The following ST6GALNAC5 variants were observed in gnomAD, a reference collection of about 807,000 sequenced individuals.
The protein encoded by ST6GALNAC5 is alpha-N-acetylgalactosaminide alpha-2,6-sialyltransferase 5.
ST6GALNAC5 carries 27 observed loss-of-function variants against 33.6 expected under a neutral mutation model. The observed-to-expected ratio is 0.80, with a 90% CI of 0.59 to 1.11. The LOEUF is 1.11. ST6GALNAC5 is among the 50% of genes least tolerant of loss of function. ST6GALNAC5 has a pLI of 0.00. For synonymous variants in ST6GALNAC5, 194 were observed against 171.2 expected, an observed-to-expected ratio of 1.13 and a Z score of -1.04; for missense variants, 428 against 454.0, an observed-to-expected ratio of 0.94 and a Z score of 0.52.
chr1:76,894,347 C>A (rs1171606181), intron 2 of ST6GALNAC5, among the ~76,000 whole-genome samples: 2 of 152,164 alleles, frequency 1.3e-5, no homozygotes, highest in East Asian at 3.9e-4. Context: ...ACACCGCACA[C>A]CTGCCACCAC....
intron 2 of ST6GALNAC5, among the ~76,000 whole-genome samples, chr1:77,003,673 G>T (rs1650266739): frequency 6.6e-6 from 1 of 152,024 alleles, no homozygotes; most frequent in Admixed American, 6.6e-5. Flanking sequence ...AGGAGCTCTT[G>T]TAAGGCAGGC....
intron 2 of ST6GALNAC5, among the ~76,000 whole-genome samples, chr1:76,890,875 G>A (rs1428194389): frequency 6.6e-6 from 1 of 151,984 alleles, no homozygotes; most frequent in African/African-American, 2.4e-5. Flanking sequence ...TTATCGATTT[G>A]AGCATAAGAT....
chr1:77,013,277 G>C (rs181611473), intron 2 of ST6GALNAC5, among the ~76,000 whole-genome samples: 4 of 152,280 alleles, frequency 2.6e-5, no homozygotes, highest in Non-Finnish European at 5.9e-5. Flanking sequence ...CCTACTCTGT[G>C]ATTCTATGCA....
intron 2 of ST6GALNAC5, among the ~76,000 whole-genome samples, chr1:77,005,216 C>T (rs1056244074): frequency 2.6e-5 from 4 of 152,196 alleles, no homozygotes; most frequent in African/African-American, 4.8e-5. Flanking sequence ...TAAGCTGGTC[C>T]GAAAAGCGCA....
At chr1:76,986,055 T>G (rs1474569089) in intron 2 of ST6GALNAC5, among the ~76,000 whole-genome samples, 2 of 152,154 alleles carry the variant, frequency 1.3e-5, no homozygotes, top group African/African-American at 4.8e-5. Context: ...ATAAAAACCC[T>G]AGAAGAAAAC....
At chr1:76,895,627 T>A (rs1021589265) in intron 2 of ST6GALNAC5, among the ~76,000 whole-genome samples, 1 of 152,182 alleles carries the variant, frequency 6.6e-6, no homozygotes, top group Non-Finnish European at 1.5e-5. Flanking sequence ...ATTTATTTAC[T>A]TCAAGAGTTA....
At chr1:77,039,574 G>A (rs1010358640) in intron 2 of ST6GALNAC5, among the ~76,000 whole-genome samples, 1 of 152,176 alleles carries the variant, frequency 6.6e-6, no homozygotes, top group Non-Finnish European at 1.5e-5. Context: ...TTTCTCAGAG[G>A]ATAGATAAGG....
Position 77,030,510 on chromosome 1 carries a change from G to A in ST6GALNAC5, c.262-13694G>A, listed in dbSNP as rs190009736. 1.1e-3 allele frequency among the ~76,000 whole-genome samples: 168 copies of A among 152,150 alleles called. 1 individual carries two copies. The highest frequency in any genetic ancestry group is 3.3e-3 in the African/African-American group (139 of 41,494). ...GCAGTTGGACCTGGTTTTTATTGTC[G>A]TCGTCAATAGAAATAGAAAGAGTCC... On this transcript the variant is annotated intron_variant, in intron 2 of 4. Transcript: ENST00000477717.
intron 2 of ST6GALNAC5, among the ~76,000 whole-genome samples, chr1:77,017,665 T>G (rs2100432319): frequency 6.6e-6 from 1 of 152,358 alleles, no homozygotes; most frequent in Non-Finnish European, 1.5e-5. Flanking sequence ...CTAATAAGGT[T>G]TGTGTCCTTA....
intron 2 of ST6GALNAC5, among the ~76,000 whole-genome samples, chr1:76,964,175 C>T (rs1202721831): frequency 1.3e-5 from 2 of 151,952 alleles, no homozygotes; most frequent in Admixed American, 1.3e-4. Context: ...GTTTTAAGCC[C>T]CTGTATTTGT....
chr1:76,904,925 G>C (rs1195288484), intron 2 of ST6GALNAC5, among the ~76,000 whole-genome samples: 1 of 152,192 alleles, frequency 6.6e-6, no homozygotes, highest in Non-Finnish European at 1.5e-5. Context: ...TAGGAAGACA[G>C]ATTAGTATAT....
In ST6GALNAC5 at chr1:77,062,976, G is replaced by T; in HGVS notation, c.781G>T (p.Asp261Tyr). 4.3e-6 allele frequency: 7 copies of T among 1,611,520 alleles called. No homozygotes were observed. Among genetic ancestry groups the T allele is most frequent in the East Asian group, 4.5e-5 (2 of 44,788 alleles). ...YGMVPPDFCR[D>Y]PNHPSVPYHY... Reference sequence around the variant, plus strand: ...AGTTATCTCAATTTCCTCCTACAGGGATCCCAATCACCCTTCAGTACCTTA... The same window carrying T: ...AGTTATCTCAATTTCCTCCTACAGGTATCCCAATCACCCTTCAGTACCTTA... Residue 261 changes from aspartate (D) to tyrosine (Y), a missense_variant and splice_region_variant, in exon 5 of 5, where the codon GAT (aspartate) becomes TAT (tyrosine). Physicochemically the swap from Asp to Tyr is radical, Grantham distance 160. Coordinates refer to ENST00000477717, the MANE Select transcript of ST6GALNAC5 (RefSeq NM_030965.3).
At chr1:77,017,206 G>C in intron 2 of ST6GALNAC5, among the ~76,000 whole-genome samples, 1 of 150,282 alleles carries the variant, frequency 6.7e-6, no homozygotes, top group East Asian at 2.0e-4. Flanking sequence ...TTCTCAAGCA[G>C]TAAACACTGG....
chr1:76,983,921 T>C (rs1570736820), intron 2 of ST6GALNAC5, among the ~76,000 whole-genome samples: 1 of 152,146 alleles, frequency 6.6e-6, no homozygotes. Context: ...ACTGGGTAAA[T>C]AATGAAATGA....
rs920344136 is a variant in ST6GALNAC5 at position 77,019,045 on chromosome 1, C to A, written c.262-25159C>A. 2.6e-5 allele frequency among the ~76,000 whole-genome samples: 4 copies of A among 152,176 alleles called. No homozygotes were observed. In the South Asian group the frequency reaches 8.3e-4, roughly 31 times the overall value. Reference sequence around the variant, plus strand: ...TCTAGAGGAAGCAGTGAAATGATATCAATTCCCCTGAGCTTTGGAAGGGAA... The same window carrying A: ...TCTAGAGGAAGCAGTGAAATGATATAAATTCCCCTGAGCTTTGGAAGGGAA... On this transcript the variant is annotated intron_variant, in intron 2 of 4. Transcript: ENST00000477717.
At chr1:76,987,480 C>T (rs995800598) in intron 2 of ST6GALNAC5, among the ~76,000 whole-genome samples, 16 of 152,108 alleles carry the variant, frequency 1.1e-4, no homozygotes, top group Admixed American at 9.2e-4. Flanking sequence ...AACCCTCATA[C>T]GTTGCTGGTC....
intron 2 of ST6GALNAC5, among the ~76,000 whole-genome samples, chr1:76,956,702 TCTACTGAAGGC>T (rs1648006612): frequency 6.6e-6 from 1 of 152,200 alleles, no homozygotes; most frequent in East Asian, 1.9e-4. Context: ...TCCACTCACT[TCTACTGAAGGC>T]CAGCTGTATT....
At chr1:76,983,220 T>A (rs568340883) in intron 2 of ST6GALNAC5, among the ~76,000 whole-genome samples, 1 of 152,018 alleles carries the variant, frequency 6.6e-6, no homozygotes, top group Non-Finnish European at 1.5e-5. Flanking sequence ...GACTGGCAAA[T>A]TGGATAAAGA....
chr1:77,017,141 A>G (rs890606530), intron 2 of ST6GALNAC5, among the ~76,000 whole-genome samples: 1 of 131,000 alleles, frequency 7.6e-6, no homozygotes, highest in African/African-American at 3.3e-5. Context: ...CTCTGTAATC[A>G]GGAAAAGGCA....
Sources: allele counts gnomAD v4.1 joint callset (sites outside exome capture counted in the v4.1 genomes callset), GRCh38; gene constraint gnomAD v4.1.1; transcripts MANE v1.5; gene names NCBI Gene and HGNC (gene_info 2026-07-23, HGNC 2026-07-21).